Variants in INPP5A observed in about 807,000 individuals in gnomAD.
INPP5A encodes 43 kDa inositol polyphosphate 5-phophatase.
A neutral mutation model predicts 65.2 loss-of-function variants in INPP5A; 14 were observed. The observed-to-expected ratio is 0.21, with a 90% CI of 0.14 to 0.34. INPP5A has a LOEUF of 0.34. INPP5A is among the 10% of genes least tolerant of loss of function. The probability of loss-of-function intolerance (pLI) is 1.00; values close to 1 mark genes in which losing one functional copy is unlikely to be tolerated. For synonymous variants in INPP5A, 207 were observed against 208.3 expected (o/e 0.99, Z 0.05); for missense variants, 431 against 545.6 (o/e 0.79, Z 2.09).
rs113127294 is a variant in INPP5A at position 132,603,945 on chromosome 10, A to G, written c.76-3970A>G. Among the ~76,000 whole-genome samples, 3,515 of 75,588 alleles carry G rather than the reference A, an allele frequency of 0.047. 48 individuals are homozygous for G. The highest frequency in any genetic ancestry group is 0.1 in the Middle Eastern group (8 of 80). The allele number at this position is 75,588 out of a possible 152,430, so 49.6% of individuals were successfully genotyped here. A position where few individuals can be genotyped will look rare whatever the true frequency, so the allele number is the denominator to read the frequency against. ...CTCTCCGTCCAGCCCTGCGCCGTCA[A>G]GGTCCCCTCTCCGTCCCGCCCTGCG... On this transcript the variant is annotated intron_variant, in intron 1 of 15. Transcript: ENST00000368594. The surrounding 1 kb of genome is among the most constrained non-coding windows in gnomAD (Gnocchi z 4.2).
intron 7 of INPP5A, 182 bp downstream of exon 7, chr10:132,708,547 T>C: frequency 2.7e-6 from 2 of 753,262 alleles, no homozygotes; most frequent in Non-Finnish European, 4.9e-6. Context: ...TTCGGAGCAT[T>C]GTCACTGTTC....
chr10:132,750,348 G>A (rs1348030604), intron 11 of INPP5A, among the ~76,000 whole-genome samples: 4 of 152,224 alleles, frequency 2.6e-5, no homozygotes, highest in Admixed American at 6.5e-5. Context: ...TGGGTGTGCC[G>A]CTGTATGTCC....
intron 13 of INPP5A, among the ~76,000 whole-genome samples, chr10:132,780,317 A>G (rs960802936): frequency 6.6e-6 from 1 of 152,234 alleles, no homozygotes; most frequent in East Asian, 1.9e-4. Context: ...CTGTGCACAG[A>G]TTGCTTTGTG....
rs78253684 is a variant in INPP5A at position 132,699,041 on chromosome 10, C to T, written c.474+1122C>T. On this transcript the variant is annotated intron_variant, in intron 6 of 15. Transcript: ENST00000368594. ...CTGTCCTCGGTCCTGCTTCCGGCAC[C>T]GCCCGTTTGCCTCCCTCCGCTCCGG... Among the ~76,000 whole-genome samples the T allele has an allele frequency of 3.1e-3, 479 of 152,358 alleles. 21 individuals carry two copies. In the East Asian group the frequency reaches 0.074, roughly 24 times the overall value.
At position 132,753,367 on chromosome 10, in the gene INPP5A, G is replaced by T. The variant is rs1192630240; in HGVS notation, c.903+3522G>T. ...GATGGATGTGCCTGCGCCGGTCGCA[G>T]CCCCAAGTCCATTGCATCCTTCATC... On this transcript the variant is annotated intron_variant, in intron 11 of 15. Transcript: ENST00000368594. The surrounding 1 kb of genome is among the most constrained non-coding windows in gnomAD (Gnocchi z 5.3). 6.6e-6 allele frequency among the ~76,000 whole-genome samples: 1 copy of T among 152,198 alleles called. No homozygotes were observed. Among genetic ancestry groups the T allele is most frequent in the African/African-American group, 2.4e-5 (1 of 41,446 alleles).
At position 132,545,362 on chromosome 10, in the gene INPP5A, G is replaced by A. The variant is rs116697944; in HGVS notation, c.75+7191G>A. Among the ~76,000 whole-genome samples the A allele has an allele frequency of 0.014, 2,135 of 152,260 alleles. 47 individuals are homozygous for A. Among genetic ancestry groups the A allele is most frequent in the African/African-American group, 0.048 (1,996 of 41,532 alleles). ...CGGAAGACTTTGACCAGATCGGGGCGGCTGAGGGGGCTGCCTACGGCAGGA... is the reference window on the plus strand; with the variant it reads ...CGGAAGACTTTGACCAGATCGGGGCAGCTGAGGGGGCTGCCTACGGCAGGA... On this transcript the variant is annotated intron_variant, in intron 1 of 15. Coordinates refer to ENST00000368594, the MANE Select transcript of INPP5A (RefSeq NM_005539.5). This position sits in a 1 kb window ranked among gnomAD's most constrained non-coding sequence, Gnocchi z 4.6.
In INPP5A at chr10:132,650,148, C is replaced by G. The variant is rs2072554127; in HGVS notation, c.219-270C>G. Among the ~76,000 whole-genome samples the G allele has an allele frequency of 6.6e-6, 1 of 152,198 alleles. No individual in the cohort carries two copies. Among genetic ancestry groups the G allele is most frequent in the Non-Finnish European group, 1.5e-5 (1 of 68,034 alleles). ...GACCTTGGGTGAGTTCTCAATGTCT[C>G]CATCCCTGGGATGCCTCAGACCCCG... On this transcript the variant is annotated intron_variant, in intron 3 of 15. Coordinates refer to ENST00000368594, the MANE Select transcript of INPP5A (RefSeq NM_005539.5). The surrounding 1 kb of genome is among the most constrained non-coding windows in gnomAD (Gnocchi z 5.5).
chr10:132,772,852 G>A, intron 12 of INPP5A, among the ~76,000 whole-genome samples: 1 of 91,908 alleles, frequency 1.1e-5, no homozygotes, highest in South Asian at 4.9e-4. Context: ...ACGAAGAGTG[G>A]GACGGACACT....
chr10:132,683,860 A>C (rs1590923430), intron 4 of INPP5A, among the ~76,000 whole-genome samples: 1 of 152,254 alleles, frequency 6.6e-6, no homozygotes, highest in African/African-American at 2.4e-5. Flanking sequence ...GATTACAAGC[A>C]TGGGCCACCA....
At chr10:132,781,339 G>A (rs1341234496) in intron 14 of INPP5A, among the ~76,000 whole-genome samples, 1 of 152,218 alleles carries the variant, frequency 6.6e-6, no homozygotes, top group African/African-American at 2.4e-5. Context: ...CGTGTGCCAA[G>A]GGGCAGCACT....
chr10:132,690,455 G>A lies in INPP5A; in HGVS notation c.370G>A (p.Ala124Thr). 1 of 1,609,862 alleles carries A rather than the reference G, an allele frequency of 6.2e-7. No individual in the cohort carries two copies. The highest frequency in any genetic ancestry group is 8.5e-7 in the Non-Finnish European group (1 of 1,176,666). The change falls in exon 5 of 16, where the codon GCT becomes ACT. Residue 124 changes from alanine to threonine, a missense_variant and splice_region_variant. Coordinates refer to ENST00000368594, the MANE Select transcript of INPP5A (RefSeq NM_005539.5). ...AAACATCTACCAGTTTGACTTTAAA[G>A]GTAAGACTGCGTGCCGTCTTCCGGG... ...LKNIYQFDFK[A>T]KKYRKVAGKE...
At chr10:132,716,830 G>A (rs973998624) in intron 8 of INPP5A, among the ~76,000 whole-genome samples, 1 of 152,252 alleles carries the variant, frequency 6.6e-6, no homozygotes, top group Non-Finnish European at 1.5e-5. Flanking sequence ...GAGAGCATGA[G>A]AGCGGCGGCT....
At position 132,753,157 on chromosome 10, in the gene INPP5A, C is replaced by T. The variant is rs1275002920; in HGVS notation, c.903+3312C>T. 2.0e-5 allele frequency among the ~76,000 whole-genome samples: 3 copies of T among 152,168 alleles called. No individual in the cohort carries two copies. The highest frequency in any genetic ancestry group is 1.9e-4 in the East Asian group (1 of 5,166). Reference sequence around the variant, plus strand: ...AACGCCCCATGGGTTCCTGCTGACCCGGGTGCCCTCGCACTTGCCCGAGGT... The same window carrying T: ...AACGCCCCATGGGTTCCTGCTGACCTGGGTGCCCTCGCACTTGCCCGAGGT... On this transcript the variant is annotated intron_variant, in intron 11 of 15. Coordinates refer to ENST00000368594, the MANE Select transcript of INPP5A (RefSeq NM_005539.5). This position sits in a 1 kb window ranked among gnomAD's most constrained non-coding sequence, Gnocchi z 5.3.
At chr10:132,664,927 C>T (rs1282851814) in intron 4 of INPP5A, among the ~76,000 whole-genome samples, 7 of 152,166 alleles carry the variant, frequency 4.6e-5, no homozygotes, top group African/African-American at 7.2e-5. Flanking sequence ...ATCGGAGTCC[C>T]CGATGTAGGC....
intron 6 of INPP5A, among the ~76,000 whole-genome samples, chr10:132,700,142 A>G (rs1196535103): frequency 2.0e-5 from 3 of 152,126 alleles, no homozygotes; most frequent in Non-Finnish European, 4.4e-5. Context: ...GTCCAACCCC[A>G]GTGTTGTGCA....
intron 4 of INPP5A, among the ~76,000 whole-genome samples, chr10:132,662,127 A>G (rs2072744304): frequency 6.6e-6 from 1 of 152,216 alleles, no homozygotes; most frequent in Non-Finnish European, 1.5e-5. Context: ...TATAAGAGGA[A>G]ACCAGTCAGT....
chr10:132,721,240 G>T (rs59270278), intron 8 of INPP5A, among the ~76,000 whole-genome samples: 2 of 140,908 alleles, frequency 1.4e-5, no homozygotes, highest in African/African-American at 5.6e-5. Flanking sequence ...GTTCTGTGGT[G>T]CCTGGGTTCT....
Position 132,726,806 on chromosome 10 carries a change from T to A in INPP5A, c.648-15T>A. The A allele has an allele frequency of 2.5e-6, 4 of 1,589,122 alleles. No homozygotes were observed. The highest frequency in any genetic ancestry group is 3.4e-6 in the Non-Finnish European group (4 of 1,162,272). ...CTTCAGCGCCCTCGGTAACAAGTCC[T>A]CTTTTTCTTTCCAGAATCATTGATC... On this transcript the variant is annotated splice_polypyrimidine_tract_variant and intron_variant, in intron 8 of 15. Coordinates refer to ENST00000368594, the MANE Select transcript of INPP5A (RefSeq NM_005539.5).
intron 7 of INPP5A, 194 bp downstream of exon 7, chr10:132,708,559 C>G (rs1845579491): frequency 1.4e-6 from 1 of 727,536 alleles, no homozygotes; most frequent in East Asian, 2.6e-5. Flanking sequence ...TCACTGTTCC[C>G]TGTAAGTCAG....
Sources: allele counts gnomAD v4.1 joint callset (sites outside exome capture counted in the v4.1 genomes callset), GRCh38; gene constraint gnomAD v4.1.1; non-coding constraint Gnocchi (gnomAD v3.1); transcripts MANE v1.5; gene names NCBI Gene and HGNC (gene_info 2026-07-23, HGNC 2026-07-21).